MAGI1: variants seen among roughly 807,000 people sequenced by gnomAD.
The protein encoded by MAGI1 is membrane associated guanylate kinase, WW and PDZ domain containing 1, also known as membrane-associated guanylate kinase, WW and PDZ domain-containing protein 1.
In MAGI1, 58 loss-of-function variants were observed where a neutral mutation model predicts 139.9. The ratio of observed to expected loss-of-function variants is 0.41; its 90% CI spans 0.34 to 0.52. The LOEUF (loss-of-function observed/expected upper bound fraction) is 0.52. MAGI1 is among the 20% of genes least tolerant of loss of function. The pLI, the probability that MAGI1 is intolerant of heterozygous loss-of-function variation, is 0.12. For missense variants in MAGI1, 1,874 were observed against 1,901.6 expected, an observed-to-expected ratio of 0.99 and a Z score of 0.27; for synonymous variants, 812 against 737.9, an observed-to-expected ratio of 1.10 and a Z score of -1.63.
At chr3:65,864,842 G>A (rs1211479659) in intron 1 of MAGI1, among the ~76,000 whole-genome samples, 1 of 152,170 alleles carries the variant, frequency 6.6e-6, no homozygotes, top group Non-Finnish European at 1.5e-5. Flanking sequence ...ATTCTACTGA[G>A]GCTACAAATA....
chr3:65,774,866 T>C (rs144873466), intron 1 of MAGI1, among the ~76,000 whole-genome samples: 14 of 152,308 alleles, frequency 9.2e-5, no homozygotes, highest in South Asian at 6.2e-4. Context: ...TTGATTTCTG[T>C]CTTCACTATT....
intron 1 of MAGI1, among the ~76,000 whole-genome samples, chr3:65,774,931 G>C (rs11920326): frequency 0.092 from 13,960 of 152,100 alleles, 822 homozygotes; most frequent in African/African-American, 0.16. Context: ...ATAAAGTTAG[G>C]ATAAAAATGT....
At chr3:65,547,501 C>T (rs2079559241) in intron 2 of MAGI1, among the ~76,000 whole-genome samples, 1 of 152,172 alleles carries the variant, frequency 6.6e-6, no homozygotes, top group African/African-American at 2.4e-5. Flanking sequence ...TCTACCTACT[C>T]CACATCTGGG....
At chr3:65,855,622 AGAGGG>A (rs1559946815) in intron 1 of MAGI1, among the ~76,000 whole-genome samples, 1 of 109,640 alleles carries the variant, frequency 9.1e-6, no homozygotes. Flanking sequence ...TGGGGAGGAG[AGAGGG>A]GAGGGGAAGG....
In MAGI1 at chr3:65,586,026, A is replaced by G. The variant is rs543452302; in HGVS notation, c.430+35946T>C. Among the ~76,000 whole-genome samples, 59 of 152,188 alleles carry G rather than the reference A, an allele frequency of 3.9e-4. 1 individual carries two copies. The highest frequency in any genetic ancestry group is 1.4e-3 in the African/African-American group (58 of 41,526). ...AGTTCGAGACCAGCCCTGGCACTATAGTGAGACCCTGTCTGTACAAAAAAT... is the reference window on the plus strand; with the variant it reads ...AGTTCGAGACCAGCCCTGGCACTATGGTGAGACCCTGTCTGTACAAAAAAT... On this transcript the variant is annotated intron_variant, in intron 2 of 22. Coordinates refer to ENST00000402939, the MANE Select transcript of MAGI1 (RefSeq NM_001033057.2).
chr3:65,398,404 G>A (rs993032853), intron 13 of MAGI1, among the ~76,000 whole-genome samples: 2 of 152,136 alleles, frequency 1.3e-5, no homozygotes, highest in African/African-American at 4.8e-5. Context: ...GGAAGGCTAA[G>A]GCAAGAGATT....
Position 65,627,626 on chromosome 3 carries a change from G to C in MAGI1, c.314-5538C>G, listed in dbSNP as rs911279604. ...GGGTTCACGCCATCCTCCTGCCTCA[G>C]CCTCCCGAGCAGCTGGGACTACAGG... On this transcript the variant is annotated intron_variant, in intron 1 of 22. Transcript: ENST00000402939. Among the ~76,000 whole-genome samples the C allele has an allele frequency of 3.4e-5, 5 of 146,586 alleles. No individual in the cohort carries two copies. The Admixed American group carries it at 3.5e-4, about 10-fold the overall frequency.
At chr3:65,400,908 C>T (rs1944833509) in intron 13 of MAGI1, among the ~76,000 whole-genome samples, 1 of 151,852 alleles carries the variant, frequency 6.6e-6, no homozygotes, top group African/African-American at 2.4e-5. Context: ...TCCATCTGAG[C>T]ATGGTCACAT....
At chr3:65,902,099 G>C (rs1456492299) in intron 1 of MAGI1, among the ~76,000 whole-genome samples, 1 of 152,092 alleles carries the variant, frequency 6.6e-6, no homozygotes, top group Non-Finnish European at 1.5e-5. Flanking sequence ...TCTAAATATA[G>C]CAATAGTAGG....
At chr3:65,419,074 T>C (rs1426592274) in intron 12 of MAGI1, among the ~76,000 whole-genome samples, 3 of 152,190 alleles carry the variant, frequency 2.0e-5, no homozygotes, top group Non-Finnish European at 4.4e-5. Context: ...GCCTCAGGGT[T>C]CTGTCTTGCA....
At chr3:66,010,643 G>C (rs17074295) in intron 1 of MAGI1, among the ~76,000 whole-genome samples, 3,671 of 152,240 alleles carry the variant, frequency 0.024, 146 homozygotes, top group African/African-American at 0.084. Flanking sequence ...GTCATTAGTA[G>C]GACAGCTCTT....
intron 1 of MAGI1, among the ~76,000 whole-genome samples, chr3:65,701,181 T>C (rs976650166): frequency 6.6e-5 from 9 of 136,448 alleles, no homozygotes; most frequent in African/African-American, 1.9e-4. Flanking sequence ...ATCCCCAGTT[T>C]ACTAATGAAA....
chr3:65,717,681 T>C (rs1309262209), intron 1 of MAGI1, among the ~76,000 whole-genome samples: 2 of 152,316 alleles, frequency 1.3e-5, no homozygotes, highest in East Asian at 1.9e-4. Context: ...CATTCCCCTA[T>C]AGCTTCAAGC....
chr3:65,594,886 T>C (rs938021020), intron 2 of MAGI1, among the ~76,000 whole-genome samples: 8 of 152,180 alleles, frequency 5.3e-5, no homozygotes, highest in African/African-American at 1.9e-4. Context: ...GCTCAGTGTC[T>C]CCCAAATTCT....
At chr3:65,537,002 T>G (rs556183434) in intron 2 of MAGI1, among the ~76,000 whole-genome samples, 33 of 152,186 alleles carry the variant, frequency 2.2e-4, no homozygotes, top group Non-Finnish European at 4.0e-4. Flanking sequence ...TGTTTGAGTA[T>G]GAATTCTTCT....
intron 1 of MAGI1, among the ~76,000 whole-genome samples, chr3:65,982,158 T>A (rs1338306212): frequency 3.3e-5 from 5 of 152,218 alleles, no homozygotes; most frequent in South Asian, 4.1e-4. Flanking sequence ...CTCTAACAAG[T>A]GCCTGCACCT....
chr3:65,692,663 G>A (rs1348872709), intron 1 of MAGI1, among the ~76,000 whole-genome samples: 1 of 152,098 alleles, frequency 6.6e-6, no homozygotes, highest in African/African-American at 2.4e-5. Flanking sequence ...TTGAAAGGTG[G>A]GACCTTTGGC....
intron 22 of MAGI1, chr3:65,359,811 G>A: frequency 1.0e-6 from 1 of 985,658 alleles, no homozygotes; most frequent in Non-Finnish European, 1.2e-6. Context: ...CATCCTCAGT[G>A]CAACAGACAT....
chr3:65,816,437 G>A (rs1355339743), intron 1 of MAGI1, among the ~76,000 whole-genome samples: 1 of 152,146 alleles, frequency 6.6e-6, no homozygotes, highest in Non-Finnish European at 1.5e-5. Flanking sequence ...ATGGGGTAGT[G>A]GGAACTGTAC....
Sources: allele counts gnomAD v4.1 joint callset (sites outside exome capture counted in the v4.1 genomes callset), GRCh38; gene constraint gnomAD v4.1.1; transcripts MANE v1.5; gene names NCBI Gene and HGNC (gene_info 2026-07-23, HGNC 2026-07-21).